The following TSPAN11 variants were observed in gnomAD, a reference collection of about 807,000 sequenced individuals.
The protein encoded by TSPAN11 is tetraspanin-11.
In TSPAN11, 29 loss-of-function variants were observed where a neutral mutation model predicts 32.9. The observed-to-expected ratio is 0.88, with a 90% CI of 0.66 to 1.20. The LOEUF (loss-of-function observed/expected upper bound fraction) is 1.20, where lower values mean the gene tolerates loss of function less well. Among genes scored for constraint, TSPAN11 ranks in the 50% most tolerant of loss-of-function variants. The pLI, the probability that TSPAN11 is intolerant of heterozygous loss-of-function variation, is 0.00. For missense variants in TSPAN11, 283 were observed against 329.1 expected (o/e 0.86, Z 1.08); for synonymous variants, 140 against 141.3 (o/e 0.99, Z 0.07).
intron 3 of TSPAN11, among the ~76,000 whole-genome samples, chr12:30,967,773 C>T (rs149259515): frequency 2.3e-4 from 23 of 102,054 alleles, no homozygotes; most frequent in African/African-American, 6.6e-4. Context: ...TCTGCCAGGG[C>T]GCTAGCAAAC....
chr12:30,991,711 C>A, intron 7 of TSPAN11, 145 bp from the exon 8 acceptor site: 1 of 793,936 alleles, frequency 1.3e-6, no homozygotes, highest in Non-Finnish European at 2.1e-6. Flanking sequence ...CCCACCCTGA[C>A]ATTTTGAGCA....
At chr12:30,979,061 A>AC (rs547620484) in intron 4 of TSPAN11, 84 of 235,680 alleles carry the variant, frequency 3.6e-4, no homozygotes, top group African/African-American at 1.8e-3. Flanking sequence ...ATCCACTCCC[A>AC]CCCTTGAGCC....
At chr12:30,959,020 A>C (rs1938556299) in intron 2 of TSPAN11, among the ~76,000 whole-genome samples, 1 of 152,126 alleles carries the variant, frequency 6.6e-6, no homozygotes, top group African/African-American at 2.4e-5. Flanking sequence ...CCCTTTAAAA[A>C]TCAAAACAGC....
chr12:30,927,598 T>G (rs1592454336), intron 1 of TSPAN11, among the ~76,000 whole-genome samples: 3 of 147,866 alleles, frequency 2.0e-5, no homozygotes, highest in East Asian at 2.0e-4. Flanking sequence ...GGGTGGGGGG[T>G]GAGGAGAAGA....
At chr12:31,010,199 T>G in the TSPAN11 span, among the ~76,000 whole-genome samples, 1 of 152,182 alleles carries the variant, frequency 6.6e-6, no homozygotes, top group Non-Finnish European at 1.5e-5. Context: ...GATCCCCTGG[T>G]GCAGGAACCC....
chr12:30,957,572 C>T (rs1938509405), intron 2 of TSPAN11, among the ~76,000 whole-genome samples: 1 of 152,134 alleles, frequency 6.6e-6, no homozygotes, highest in African/African-American at 2.4e-5. Context: ...GGAAAAGCCA[C>T]TTCTCTCTAG....
At chr12:30,981,944 C>A (rs1939100862) in intron 5 of TSPAN11, among the ~76,000 whole-genome samples, 2 of 152,262 alleles carry the variant, frequency 1.3e-5, no homozygotes, top group South Asian at 4.1e-4. Flanking sequence ...GTCTTGGAAT[C>A]ATTTTATATC....
At chr12:30,953,093 T>C (rs1394468720) in intron 1 of TSPAN11, among the ~76,000 whole-genome samples, 3 of 152,190 alleles carry the variant, frequency 2.0e-5, no homozygotes, top group African/African-American at 4.8e-5. Flanking sequence ...TCAGTGGGCA[T>C]CAGAGCGAGG....
intron 2 of TSPAN11, among the ~76,000 whole-genome samples, chr12:30,955,943 A>G (rs1042024826): frequency 4.6e-5 from 7 of 152,240 alleles, no homozygotes; most frequent in Non-Finnish European, 7.3e-5. Flanking sequence ...ATTTCGACAT[A>G]TCTTTTGGGG....
intron 7 of TSPAN11, among the ~76,000 whole-genome samples, chr12:30,991,061 G>A (rs1402507745): frequency 1.3e-5 from 2 of 152,212 alleles, no homozygotes; most frequent in Admixed American, 6.5e-5. Context: ...CTGGAAGTGG[G>A]AGAAGTGAGA....
At chr12:30,929,952 A>G (rs1239310900) in intron 1 of TSPAN11, among the ~76,000 whole-genome samples, 2 of 152,314 alleles carry the variant, frequency 1.3e-5, no homozygotes, top group East Asian at 3.9e-4. Context: ...TAGGGGGAGC[A>G]TTAATGACCG....
At chr12:30,974,827 G>A (rs1182463759) in intron 3 of TSPAN11, among the ~76,000 whole-genome samples, 5 of 152,260 alleles carry the variant, frequency 3.3e-5, no homozygotes, top group African/African-American at 1.2e-4. Flanking sequence ...AGGCGAAGGG[G>A]AGGGACACAG....
At chr12:30,942,651 C>A (rs1489824209) in intron 1 of TSPAN11, among the ~76,000 whole-genome samples, 1 of 151,716 alleles carries the variant, frequency 6.6e-6, no homozygotes, top group African/African-American at 2.4e-5. Flanking sequence ...TAAGGACAAG[C>A]CAAACCACTT....
downstream of TSPAN11, among the ~76,000 whole-genome samples, chr12:30,997,787 G>A (rs1013930204): frequency 1.3e-5 from 2 of 152,150 alleles, no homozygotes; most frequent in African/African-American, 2.4e-5. Context: ...GGGTGGTCAG[G>A]GGGGTGGCTG....
At position 30,979,356 on chromosome 12, in the gene TSPAN11, G is replaced by A. The variant is rs145342805; in HGVS notation, c.352-210G>A. Among the ~76,000 whole-genome samples, 1,073 of 152,228 alleles carry A rather than the reference G, an allele frequency of 7.0e-3. 14 individuals carry two copies. Among genetic ancestry groups the A allele is most frequent in the African/African-American group, 0.024 (995 of 41,522 alleles). Reference sequence around the variant, plus strand: ...GCCCATCACACCTCTGCCCTAAGTTGGGGCTCAGTTTTTGTGTCTTCCTCT... The same window carrying A: ...GCCCATCACACCTCTGCCCTAAGTTAGGGCTCAGTTTTTGTGTCTTCCTCT... On this transcript the variant is annotated intron_variant, in intron 4 of 7. Transcript: ENST00000546076.
intron 1 of TSPAN11, among the ~76,000 whole-genome samples, chr12:30,945,442 T>A (rs1346558668): frequency 6.6e-6 from 1 of 152,108 alleles, no homozygotes; most frequent in Non-Finnish European, 1.5e-5. Context: ...AAATGCCTTG[T>A]ATTTATGTCT....
intron 1 of TSPAN11, among the ~76,000 whole-genome samples, chr12:30,945,705 C>T (rs1333060213): frequency 6.6e-6 from 1 of 152,118 alleles, no homozygotes. Flanking sequence ...GCCGAAGACA[C>T]AATGATCCCC....
intron 4 of TSPAN11, chr12:30,978,851 G>T (rs1939028602): frequency 1.8e-6 from 1 of 554,282 alleles, no homozygotes; most frequent in Admixed American, 3.0e-5. Flanking sequence ...TCTTCCACAT[G>T]GGAGCTGGGG....
chr12:30,933,795 G>C (rs1937984867), intron 1 of TSPAN11, among the ~76,000 whole-genome samples: 1 of 152,122 alleles, frequency 6.6e-6, no homozygotes, highest in Non-Finnish European at 1.5e-5. Flanking sequence ...TTAGACTCTG[G>C]GTCTCCTGTG....
Sources: gnomAD v4.1 joint callset for allele counts (sites outside exome capture counted in the v4.1 genomes callset) on GRCh38, gnomAD v4.1.1 for gene constraint, MANE v1.5 for transcripts, NCBI Gene and HGNC (gene_info 2026-07-23, HGNC 2026-07-21) for gene names.